The following ADAM9 variants were observed in gnomAD, a reference collection of about 807,000 sequenced individuals.
The protein encoded by ADAM9 is disintegrin and metalloproteinase domain-containing protein 9.
ADAM9 carries 54 observed loss-of-function variants against 108.1 expected under a neutral mutation model. The observed-to-expected ratio is 0.50, with a 90% CI of 0.40 to 0.63. The LOEUF is 0.63. Among genes scored for constraint, ADAM9 ranks in the 20% least tolerant of loss-of-function variants. The pLI is 0.00. For synonymous variants in ADAM9, 316 were observed against 336.0 expected (o/e 0.94, Z 0.65); for missense variants, 830 against 997.7 (o/e 0.83, Z 2.26).
Position 39,090,194 on chromosome 8 carries a change from T to A in ADAM9, c.2210+6T>A. ...AAGAGATCACAAACATATGAGTACT[T>A]AGATTTTTTTCTTTTAATTCCTATA... On this transcript the variant is annotated splice_donor_region_variant and intron_variant, in intron 19 of 21. Coordinates refer to ENST00000487273, the MANE Select transcript of ADAM9 (RefSeq NM_003816.3). 1.2e-6 allele frequency: 2 copies of A among 1,610,216 alleles called. No individual in the cohort carries two copies. Among genetic ancestry groups the A allele is most frequent in the Non-Finnish European group, 1.7e-6 (2 of 1,177,712 alleles).
At chr8:39,066,401 T>C (rs1031453335) in intron 14 of ADAM9, among the ~76,000 whole-genome samples, 1 of 152,228 alleles carries the variant, frequency 6.6e-6, no homozygotes, top group Admixed American at 6.5e-5. Flanking sequence ...CTCCACATCC[T>C]CTCCAGCACC....
intron 14 of ADAM9, among the ~76,000 whole-genome samples, chr8:39,059,244 A>G (rs574687216): frequency 6.6e-6 from 1 of 152,340 alleles, no homozygotes; most frequent in East Asian, 1.9e-4. Flanking sequence ...TGGCAAATCT[A>G]TATCAAGAGT....
Position 39,015,352 on chromosome 8 carries a change from G to C in ADAM9, c.334-766G>C, listed in dbSNP as rs574584102. 3.3e-5 allele frequency: 5 copies of C among 152,226 alleles called. No homozygotes were observed. The South Asian group carries it at 1.0e-3, about 32-fold the overall frequency. The allele number at this position is 152,226 out of a possible 1,614,324, so 9.4% of individuals were successfully genotyped here. A position where few individuals can be genotyped will look rare whatever the true frequency, so the allele number is the denominator to read the frequency against. ...TTTGTTGCTATTATTGACAGCGTATGTTCTTAAAACTGCCAAAAATTGATT... is the reference window on the plus strand; with the variant it reads ...TTTGTTGCTATTATTGACAGCGTATCTTCTTAAAACTGCCAAAAATTGATT... On this transcript the variant is annotated intron_variant, in intron 4 of 21. Coordinates refer to ENST00000487273, the MANE Select transcript of ADAM9 (RefSeq NM_003816.3).
At chr8:39,075,338 C>G (rs548320762) in intron 15 of ADAM9, among the ~76,000 whole-genome samples, 9 of 152,270 alleles carry the variant, frequency 5.9e-5, no homozygotes, top group African/African-American at 2.2e-4. Flanking sequence ...GTGGCAATGA[C>G]CAGATCTTGC....
rs75486227 is a variant in ADAM9, at chr8:38,998,246, G to A, written c.97+1086G>A. ...AAATTAAGTAAATTTGCCCCAGTGT[G>A]GAAATGTTGAAACTCTGACAATGTT... On this transcript the variant is annotated intron_variant, in intron 1 of 21. Transcript: ENST00000487273. Among the ~76,000 whole-genome samples the A allele has an allele frequency of 1.3e-3, 194 of 152,252 alleles. 1 individual carries two copies. Among genetic ancestry groups the A allele is most frequent in the East Asian group, 0.012 (64 of 5,192 alleles).
At chr8:39,045,383 T>TAC (rs1837694500) in intron 12 of ADAM9, among the ~76,000 whole-genome samples, 1 of 139,314 alleles carries the variant, frequency 7.2e-6, no homozygotes, top group African/African-American at 2.8e-5. Flanking sequence ...CATACACCTA[T>TAC]AGGTGTGTGT....
intron 15 of ADAM9, chr8:39,075,948 A>C (rs1030976313): frequency 7.9e-5 from 12 of 152,244 alleles, no homozygotes; most frequent in African/African-American, 2.9e-4. Flanking sequence ...TAAAGTTGGG[A>C]CAAAATTATT....
At position 39,082,970 on chromosome 8, in the gene ADAM9, A is replaced by G. The variant is rs1839068760; in HGVS notation, c.1965A>G (p.Val655=). 3 of 1,612,018 alleles carry G rather than the reference A, an allele frequency of 1.9e-6. No homozygotes were observed. The highest frequency in any genetic ancestry group is 2.5e-6 in the Non-Finnish European group (3 of 1,178,188). Reference sequence around the variant, plus strand: ...GTGGTATTTTGATTGTTTTGAAGGTATGTAATAGCAATAAGAATTGTCACT... The same window carrying G: ...GTGGTATTTTGATTGTTTTGAAGGTGTGTAATAGCAATAAGAATTGTCACT... ...DVQKKCHGHG[V]CNSNKNCHCE... is the part of the protein sequence containing the mutation. Residue 655 remains valine, a splice_region_variant and synonymous_variant, in exon 18 of 22, where the codon GTA becomes GTG. Coordinates refer to ENST00000487273, the MANE Select transcript of ADAM9 (RefSeq NM_003816.3).
intron 12 of ADAM9, among the ~76,000 whole-genome samples, chr8:39,044,875 CAT>C (rs896733580): frequency 2.1e-5 from 3 of 143,834 alleles, no homozygotes; most frequent in Non-Finnish European, 3.0e-5. Flanking sequence ...TGTATACATA[CAT>C]ATATATGTAT....
At position 39,103,740 on chromosome 8, in the gene ADAM9, G is replaced by A. The variant is rs745876397; in HGVS notation, c.*40G>A. On this transcript the variant is annotated 3_prime_UTR_variant, in exon 22 of 22. Coordinates refer to ENST00000487273, the MANE Select transcript of ADAM9 (RefSeq NM_003816.3). Reference sequence around the variant, plus strand: ...TTTTTGCAAATGTCTTCAGGGAACTGAGCTAATACTTTTTTTTTTTCTTGA... The same window carrying A: ...TTTTTGCAAATGTCTTCAGGGAACTAAGCTAATACTTTTTTTTTTTCTTGA... The A allele has an allele frequency of 8.9e-6, 14 of 1,567,684 alleles. No homozygotes were observed. Among genetic ancestry groups the A allele is most frequent in the Non-Finnish European group, 1.2e-5 (14 of 1,138,992 alleles).
chr8:39,103,049 C>G (rs941967871), intron 21 of ADAM9, among the ~76,000 whole-genome samples: 1 of 152,158 alleles, frequency 6.6e-6, no homozygotes, highest in Admixed American at 6.5e-5. Context: ...GTGAGGGAAA[C>G]ATTCACCAGG....
rs140864314 is a variant in ADAM9 at position 38,999,768 on chromosome 8, T to G, written c.97+2608T>G. ...AAGCTTTAACTTACCAAATTTATAT[T>G]TGCTCTTTGTAAAAAATCTGGGTTT... On this transcript the variant is annotated intron_variant, in intron 1 of 21. Coordinates refer to ENST00000487273, the MANE Select transcript of ADAM9 (RefSeq NM_003816.3). Among the ~76,000 whole-genome samples, 6 of 152,216 alleles carry G rather than the reference T, an allele frequency of 3.9e-5. No individual in the cohort carries two copies. In the South Asian group the frequency reaches 1.2e-3, roughly 32 times the overall value.
At chr8:39,086,941 A>T (rs1473725849) in intron 18 of ADAM9, among the ~76,000 whole-genome samples, 2 of 152,166 alleles carry the variant, frequency 1.3e-5, no homozygotes, top group Non-Finnish European at 1.5e-5. Flanking sequence ...TGCTCTTCCT[A>T]GTCCTGTGTG....
At chr8:39,006,863 G>A (rs10113077) in intron 1 of ADAM9, among the ~76,000 whole-genome samples, 56,935 of 151,960 alleles carry the variant, frequency 0.37, 11,205 homozygotes, top group African/African-American at 0.51. Context: ...TTGTGTTTTT[G>A]TGATGGATTA....
At chr8:39,100,469 G>T (rs1347907542) in intron 20 of ADAM9, among the ~76,000 whole-genome samples, 4 of 151,318 alleles carry the variant, frequency 2.6e-5, no homozygotes, top group Non-Finnish European at 5.9e-5. Flanking sequence ...CTCCAGCCAG[G>T]GCGACAGAGC....
chr8:39,001,648 A>C (rs1036036496), intron 1 of ADAM9, among the ~76,000 whole-genome samples: 2 of 152,144 alleles, frequency 1.3e-5, no homozygotes, highest in Non-Finnish European at 2.9e-5. Flanking sequence ...AGTAGAAATT[A>C]TAATTAAGTA....
chr8:39,099,255 C>CT (rs1839607857), intron 20 of ADAM9, among the ~76,000 whole-genome samples: 1 of 152,192 alleles, frequency 6.6e-6, no homozygotes, highest in Non-Finnish European at 1.5e-5. Flanking sequence ...AAAACGCATA[C>CT]TGCCACCTGC....
rs772194829 is a variant in ADAM9 at position 38,997,159 on chromosome 8, A to T, written c.96A>T (p.Pro32=). ...LVGPVLGAAR[P]GFQQTSHLSS... is the part of the protein sequence containing the mutation. ...GCCCAGTCCTCGGTGCGGCGCGGCC[A>T]GGTGGGTGTCCGCGCCCCGGGTCGG... The change falls in exon 1 of 22, where the codon CCA becomes CCT. Residue 32 remains proline (P), a splice_region_variant and synonymous_variant. Transcript: ENST00000487273. 2.5e-6 allele frequency: 4 copies of T among 1,597,302 alleles called. No homozygotes were observed. Among genetic ancestry groups the T allele is most frequent in the Non-Finnish European group, 3.4e-6 (4 of 1,178,354 alleles).
intron 11 of ADAM9, among the ~76,000 whole-genome samples, chr8:39,027,107 C>G (rs1836947682): frequency 6.6e-6 from 1 of 152,132 alleles, no homozygotes; most frequent in Non-Finnish European, 1.5e-5. Context: ...TGTAACTACA[C>G]TCTTCTGTAA....
Sources: gnomAD v4.1 joint callset for allele counts (sites outside exome capture counted in the v4.1 genomes callset) on GRCh38, gnomAD v4.1.1 for gene constraint, MANE v1.5 for transcripts, NCBI Gene and HGNC (gene_info 2026-07-23, HGNC 2026-07-21) for gene names.